The following ADAD1 variants were observed in gnomAD, a reference collection of about 807,000 sequenced individuals.
ADAD1 encodes adenosine deaminase domain-containing protein 1.
Under a neutral mutation model 66.8 loss-of-function variants are expected in ADAD1, and 46 were observed. That is an observed-to-expected ratio of 0.69 (90% CI 0.54 to 0.88). The LOEUF is 0.88. Ranked by LOEUF, ADAD1 falls within the 40% of genes least tolerant of loss-of-function variation. The pLI is 0.00. For synonymous variants in ADAD1, 248 were observed against 229.4 expected, an observed-to-expected ratio of 1.08 and a Z score of -0.73; for missense variants, 617 against 681.8, an observed-to-expected ratio of 0.91 and a Z score of 1.06.
rs534548875 is a variant in ADAD1, at chr4:122,422,875, C to T, written c.1617+1485C>T. 2.7e-3 allele frequency among the ~76,000 whole-genome samples: 406 copies of T among 150,648 alleles called. 3 individuals are homozygous for T. The highest frequency in any genetic ancestry group is 9.4e-3 in the African/African-American group (384 of 40,830). ...GCTGAGGTGGGAGGATCACTTGAGC[C>T]CAGGAGTTCAAGGCTGCTGTGAGCT... On this transcript the variant is annotated intron_variant, in intron 12 of 12. Transcript: ENST00000296513.
At chr4:122,408,264 C>A (rs563239708) in intron 8 of ADAD1, among the ~76,000 whole-genome samples, 1 of 152,158 alleles carries the variant, frequency 6.6e-6, no homozygotes, top group African/African-American at 2.4e-5. Flanking sequence ...GAACTGTGAA[C>A]TCAGTTTTTG....
intron 3 of ADAD1, 26 bp from the exon 4 acceptor site, chr4:122,380,966 T>C (rs561316528): frequency 6.4e-6 from 10 of 1,555,896 alleles, no homozygotes; most frequent in African/African-American, 1.4e-5. Context: ...TTAAACCAAA[T>C]TGACAAGTAT....
At chr4:122,418,659 G>C (rs1015654026) in intron 11 of ADAD1, among the ~76,000 whole-genome samples, 1 of 152,090 alleles carries the variant, frequency 6.6e-6, no homozygotes, top group Non-Finnish European at 1.5e-5. Context: ...CACCTTAGCT[G>C]TTCCTCAAAG....
At chr4:122,396,840 T>A (rs900221944) in intron 7 of ADAD1, among the ~76,000 whole-genome samples, 12 of 152,208 alleles carry the variant, frequency 7.9e-5, no homozygotes, top group Non-Finnish European at 1.3e-4. Context: ...TTATAAATTA[T>A]ATAGAAACAA....
At chr4:122,386,918 A>G (rs567418101) in intron 5 of ADAD1, among the ~76,000 whole-genome samples, 11 of 152,284 alleles carry the variant, frequency 7.2e-5, no homozygotes, top group Admixed American at 3.3e-4. Flanking sequence ...TGCCAGTACC[A>G]TGCTGTTTTG....
At chr4:122,386,607 G>A (rs1056577548) in intron 5 of ADAD1, among the ~76,000 whole-genome samples, 9 of 152,138 alleles carry the variant, frequency 5.9e-5, no homozygotes, top group African/African-American at 2.2e-4. Context: ...TGAAGTCTTT[G>A]CCCATGCCTG....
chr4:122,410,305 C>T (rs906765655), intron 8 of ADAD1, among the ~76,000 whole-genome samples: 16 of 152,054 alleles, frequency 1.1e-4, no homozygotes, highest in African/African-American at 3.1e-4. Flanking sequence ...TTTTGTGTTA[C>T]TTATTCCTGT....
intron 5 of ADAD1, among the ~76,000 whole-genome samples, chr4:122,386,741 A>G (rs1316306853): frequency 3.3e-5 from 5 of 152,004 alleles, no homozygotes; most frequent in Non-Finnish European, 5.9e-5. Flanking sequence ...TACAGTTTCC[A>G]TTTTCTGCAT....
chr4:122,409,723 G>A (rs1314341355), intron 8 of ADAD1, among the ~76,000 whole-genome samples: 1 of 151,734 alleles, frequency 6.6e-6, no homozygotes, highest in African/African-American at 2.4e-5. Context: ...TTTTTGAGAC[G>A]GAGTCTTACG....
At chr4:122,391,582 G>A (rs1318967585) in intron 5 of ADAD1, among the ~76,000 whole-genome samples, 1 of 152,244 alleles carries the variant, frequency 6.6e-6, no homozygotes, top group Admixed American at 6.5e-5. Context: ...AGATCCTCCA[G>A]GGAAGCCCCG....
Position 122,407,929 on chromosome 4 carries a change from C to T in ADAD1, c.746C>T (p.Ala249Val), listed in dbSNP as rs1796291041. 1.2e-6 allele frequency: 2 copies of T among 1,613,394 alleles called. No individual in the cohort carries two copies. Among genetic ancestry groups the T allele is most frequent in the Non-Finnish European group, 1.7e-6 (2 of 1,179,678 alleles). The change falls in exon 8 of 13, where the codon GCT becomes GTT. Residue 249 changes from alanine to valine, a missense_variant. Ala to Val is a moderately conservative substitution (Grantham distance 64). Transcript: ENST00000296513. ...TCAGCTGGACAACATGAGGTTGTAGCTATAGGCACAGGTGAATACAATTAC... is the reference window on the plus strand; with the variant it reads ...TCAGCTGGACAACATGAGGTTGTAGTTATAGGCACAGGTGAATACAATTAC... Reference protein sequence around the residue: ...IERAGQHEVVAIGTGEYNYSQ... With the variant: ...IERAGQHEVVVIGTGEYNYSQ...
At chr4:122,389,990 T>C (rs964432389) in intron 5 of ADAD1, among the ~76,000 whole-genome samples, 2 of 152,234 alleles carry the variant, frequency 1.3e-5, no homozygotes, top group Non-Finnish European at 2.9e-5. Context: ...TTGCAGTGGC[T>C]CTTTCCGATT....
chr4:122,393,778 T>C (rs529922746), intron 6 of ADAD1, 121 bp downstream of exon 6: 131 of 659,872 alleles, frequency 2.0e-4, no homozygotes, highest in Non-Finnish European at 2.8e-4. Flanking sequence ...TCCAAACCTT[T>C]CACACTTCTA....
chr4:122,398,419 A>G (rs1202597912), intron 7 of ADAD1, among the ~76,000 whole-genome samples: 1 of 151,892 alleles, frequency 6.6e-6, no homozygotes, highest in Non-Finnish European at 1.5e-5. Flanking sequence ...TGCAGTTGCA[A>G]ATTGTGCTGC....
chr4:122,379,535 C>G (rs894070303), intron 2 of ADAD1, 90 bp downstream of exon 2: 2 of 153,000 alleles, frequency 1.3e-5, no homozygotes, highest in Admixed American at 1.3e-4. Flanking sequence ...GCGGCCCTGA[C>G]CCTGTGAACC....
At chr4:122,427,783 A>G (rs777447300) in intron 12 of ADAD1, among the ~76,000 whole-genome samples, 3 of 151,784 alleles carry the variant, frequency 2.0e-5, no homozygotes, top group Non-Finnish European at 4.4e-5. Context: ...TGCTCCACCC[A>G]CCAAAGTGCT....
chr4:122,425,942 CAGA>C (rs1377954955), intron 12 of ADAD1, among the ~76,000 whole-genome samples: 2 of 150,878 alleles, frequency 1.3e-5, no homozygotes, highest in East Asian at 1.9e-4. Context: ...TTCAAGAAGC[CAGA>C]AGAAGAAGAG....
intron 9 of ADAD1, 108 bp from the exon 10 acceptor site, chr4:122,412,472 A>T: frequency 1.1e-6 from 1 of 870,128 alleles, no homozygotes; most frequent in Non-Finnish European, 1.8e-6. Context: ...CTGGAATTAA[A>T]TGTACACTGG....
intron 12 of ADAD1, 104 bp from the exon 13 acceptor site, chr4:122,429,522 G>T: frequency 1.6e-6 from 1 of 636,716 alleles, no homozygotes; most frequent in South Asian, 2.9e-5. Context: ...AAAAGACTTT[G>T]ATTAACTTTT....
Sources: allele counts gnomAD v4.1 joint callset (sites outside exome capture counted in the v4.1 genomes callset), GRCh38; gene constraint gnomAD v4.1.1; transcripts MANE v1.5; gene names NCBI Gene and HGNC (gene_info 2026-07-23, HGNC 2026-07-21).